The following MAPK4 variants were observed in gnomAD, a reference collection of about 807,000 sequenced individuals.
MAPK4 encodes the protein Erk3-related.
In MAPK4, 22 loss-of-function variants were observed where a neutral mutation model predicts 47.7. The observed-to-expected ratio is 0.46, with a 90% CI of 0.33 to 0.66. The LOEUF (loss-of-function observed/expected upper bound fraction) is 0.66, where lower values mean the gene tolerates loss of function less well. Among genes scored for constraint, MAPK4 ranks in the 30% least tolerant of loss-of-function variants. The pLI, the probability that MAPK4 is intolerant of heterozygous loss-of-function variation, is 0.02. For missense variants in MAPK4, 736 were observed against 831.7 expected, an observed-to-expected ratio of 0.88 and a Z score of 1.42; for synonymous variants, 390 against 365.7, an observed-to-expected ratio of 1.07 and a Z score of -0.76.
At chr18:50,629,124 T>G (rs1009868816) in intron 1 of MAPK4, among the ~76,000 whole-genome samples, 9 of 152,214 alleles carry the variant, frequency 5.9e-5, no homozygotes, top group Non-Finnish European at 7.3e-5. Context: ...GAGTAAGTGC[T>G]CACATTCGCT....
intron 1 of MAPK4, among the ~76,000 whole-genome samples, chr18:50,587,283 C>A (rs1439026160): frequency 6.6e-6 from 1 of 152,176 alleles, no homozygotes; most frequent in Non-Finnish European, 1.5e-5. Context: ...AGCTTGTTTG[C>A]GCCTTCCACT....
intron 1 of MAPK4, among the ~76,000 whole-genome samples, chr18:50,619,816 A>G (rs1050872556): frequency 6.6e-6 from 1 of 152,210 alleles, no homozygotes; most frequent in Non-Finnish European, 1.5e-5. Flanking sequence ...AGCTAAGCCA[A>G]ATTGACTGAT....
chr18:50,668,956 T>A (rs1907769367), intron 2 of MAPK4, among the ~76,000 whole-genome samples: 2 of 152,008 alleles, frequency 1.3e-5, no homozygotes, highest in Non-Finnish European at 2.9e-5. Flanking sequence ...CCTGTTAGAG[T>A]CAAACGAAAA....
intron 2 of MAPK4, among the ~76,000 whole-genome samples, chr18:50,692,799 C>G (rs1909296622): frequency 6.6e-6 from 1 of 152,044 alleles, no homozygotes; most frequent in Admixed American, 6.5e-5. Flanking sequence ...TGATCGTGTC[C>G]TTTTACAGGA....
chr18:50,721,862 C>G, intron 3 of MAPK4, 76 bp from the exon 4 acceptor site: 1 of 1,483,546 alleles, frequency 6.7e-7, no homozygotes, highest in Non-Finnish European at 9.3e-7. Flanking sequence ...CCCAGAACAC[C>G]TGGCACTGCT....
intron 3 of MAPK4, among the ~76,000 whole-genome samples, chr18:50,716,882 G>A (rs997887929): frequency 2.0e-5 from 3 of 152,136 alleles, no homozygotes; most frequent in Non-Finnish European, 4.4e-5. Flanking sequence ...GCGGGATAGA[G>A]CCTCTGCATC....
intron 2 of MAPK4, among the ~76,000 whole-genome samples, chr18:50,694,605 C>A (rs1030210123): frequency 6.6e-6 from 1 of 152,310 alleles, no homozygotes. Flanking sequence ...AATATTAACC[C>A]AAATAATTTA....
chr18:50,727,560 TGC>T (rs1911268563), intron 5 of MAPK4, among the ~76,000 whole-genome samples: 1 of 152,212 alleles, frequency 6.6e-6, no homozygotes, highest in Admixed American at 6.5e-5. Context: ...CTGTGGTTCC[TGC>T]GGCAGCTTCC....
intron 1 of MAPK4, among the ~76,000 whole-genome samples, chr18:50,622,982 T>A (rs2042745805): frequency 6.6e-6 from 1 of 152,228 alleles, no homozygotes; most frequent in Non-Finnish European, 1.5e-5. Flanking sequence ...AACAGAGCCC[T>A]TGAAGTAAGA....
intron 1 of MAPK4, among the ~76,000 whole-genome samples, chr18:50,587,350 C>G (rs991731856): frequency 3.9e-5 from 6 of 152,166 alleles, no homozygotes; most frequent in Admixed American, 2.6e-4. Flanking sequence ...TCACAGACAC[C>G]GAATTTGCCA....
intron 4 of MAPK4, among the ~76,000 whole-genome samples, chr18:50,722,367 CCT>C (rs1910979782): frequency 6.8e-6 from 1 of 147,570 alleles, no homozygotes; most frequent in Non-Finnish European, 1.5e-5. Flanking sequence ...CACCTTCCTC[CCT>C]CTCTTTCCTT....
chr18:50,712,415 C>T (rs1293802476), intron 2 of MAPK4, among the ~76,000 whole-genome samples: 3 of 151,908 alleles, frequency 2.0e-5, no homozygotes, highest in East Asian at 1.9e-4. Flanking sequence ...CGACAGAATG[C>T]GAGAACCTGT....
rs779579630 is a variant in MAPK4, at chr18:50,729,179, G to A, written c.1089G>A (p.Ser363=). 3 of 1,584,806 alleles carry A rather than the reference G, an allele frequency of 1.9e-6. No individual in the cohort carries two copies. The highest frequency in any genetic ancestry group is 1.7e-5 in the Admixed American group (1 of 58,834). Residue 363 remains serine, a synonymous_variant, in exon 6 of 6, where the codon TCG becomes TCA. Coordinates refer to ENST00000400384, the MANE Select transcript of MAPK4 (RefSeq NM_002747.4). ...GCAGGTACCCTGTGAGCCTGTCGTC[G>A]GACCTGGAGTGGCGGCCTGACCGGT... The part of the protein sequence containing the change: ...CSSRYPVSLS[S]DLEWRPDRCQ...
chr18:50,723,087 C>T (rs569042337), intron 4 of MAPK4, among the ~76,000 whole-genome samples: 3 of 152,292 alleles, frequency 2.0e-5, no homozygotes, highest in Non-Finnish European at 2.9e-5. Flanking sequence ...CTGAAATCTC[C>T]GTGGCTTAAC....
intron 2 of MAPK4, among the ~76,000 whole-genome samples, chr18:50,693,766 G>A (rs1273083275): frequency 6.6e-6 from 1 of 152,200 alleles, no homozygotes; most frequent in Non-Finnish European, 1.5e-5. Context: ...TAGGAAGGGT[G>A]TGTATTATTT....
At chr18:50,715,279 G>T (rs1172462822) in intron 3 of MAPK4, 56 bp downstream of exon 3, 1 of 1,555,576 alleles carries the variant, frequency 6.4e-7, no homozygotes, top group Non-Finnish European at 8.7e-7. Context: ...CATAGAAAGG[G>T]GAACTGAGTG....
intron 2 of MAPK4, among the ~76,000 whole-genome samples, chr18:50,691,790 A>G (rs187283607): frequency 6.6e-6 from 1 of 152,276 alleles, no homozygotes; most frequent in African/African-American, 2.4e-5. Flanking sequence ...GAGCAGCTCC[A>G]ATAGTTTGTC....
Position 50,729,162 on chromosome 18 carries a change from C to T in MAPK4, c.1072C>T (p.Pro358Ser). ...SNWDTCSSRY[P>S]VSLSSDLEWR... Reference sequence around the variant, plus strand: ...GCTCTGTTTGTACCCTTGCAGGTACCCTGTGAGCCTGTCGTCGGACCTGGA... The same window carrying T: ...GCTCTGTTTGTACCCTTGCAGGTACTCTGTGAGCCTGTCGTCGGACCTGGA... The change falls in exon 6 of 6, where the codon CCT becomes TCT. Residue 358 changes from proline to serine, a missense_variant. Around this residue, in one of 3 missense-constraint regions of MAPK4, gnomAD observed 377 missense variants for 378.6 expected, o/e 1.00. Coordinates refer to ENST00000400384, the MANE Select transcript of MAPK4 (RefSeq NM_002747.4). The T allele has an allele frequency of 1.3e-6, 2 of 1,573,564 alleles. No individual in the cohort carries two copies. The highest frequency in any genetic ancestry group is 1.7e-5 in the Admixed American group (1 of 58,040).
At chr18:50,580,056 A>G (rs142457466) in intron 1 of MAPK4, among the ~76,000 whole-genome samples, 1 of 152,266 alleles carries the variant, frequency 6.6e-6, no homozygotes, top group East Asian at 1.9e-4. Flanking sequence ...TCTTGAGGAA[A>G]TCTATTCCAA....
Sources: allele counts gnomAD v4.1 joint callset (sites outside exome capture counted in the v4.1 genomes callset), GRCh38; gene constraint gnomAD v4.1.1; regional missense constraint gnomAD v4.1.1; transcripts MANE v1.5; gene names NCBI Gene and HGNC (gene_info 2026-07-23, HGNC 2026-07-21).